F11R: variants seen among roughly 807,000 people sequenced by gnomAD.
The protein encoded by F11R is junctional adhesion molecule A.
F11R carries 27 observed loss-of-function variants against 39.3 expected under a neutral mutation model. That is an observed-to-expected ratio of 0.69 (90% confidence interval 0.51 to 0.95). F11R has a LOEUF of 0.95. F11R is among the 40% of genes least tolerant of loss of function. The pLI is 0.00. For synonymous variants in F11R, 131 were observed against 144.9 expected (o/e 0.90, Z 0.69); for missense variants, 335 against 372.7 (o/e 0.90, Z 0.83).
At chr1:161,003,391 G>A (rs935584670) in intron 1 of F11R, among the ~76,000 whole-genome samples, 13 of 152,038 alleles carry the variant, frequency 8.6e-5, no homozygotes, top group African/African-American at 2.4e-4. Flanking sequence ...CCAAAGTGCT[G>A]GGATTACAGG....
At chr1:160,999,187 A>T in intron 8 of F11R, 96 bp from the exon 9 acceptor site, 1 of 1,560,892 alleles carries the variant, frequency 6.4e-7, no homozygotes, top group Non-Finnish European at 8.8e-7. Context: ...AATGCTACAG[A>T]AGCACAGAGT....
At chr1:161,001,644 C>T (rs1648498912) in intron 1 of F11R, among the ~76,000 whole-genome samples, 1 of 152,176 alleles carries the variant, frequency 6.6e-6, no homozygotes, top group African/African-American at 2.4e-5. Context: ...TAGATTTCTA[C>T]TAGTCCAAGG....
In F11R at chr1:161,009,626, C is replaced by T. The variant is rs573987117; in HGVS notation, c.65-8273G>A. 2.6e-5 allele frequency among the ~76,000 whole-genome samples: 4 copies of T among 152,302 alleles called. No individual in the cohort carries two copies. The South Asian group carries it at 8.3e-4, about 32-fold the overall frequency. On this transcript the variant is annotated intron_variant, in intron 1 of 9. Transcript: ENST00000368026. ...ACATCTATCTATATATTTATCTCCT[C>T]CCCCATGCTCTACTTACATTGTGAC...
chr1:161,018,509 C>T (rs982171845), intron 1 of F11R, among the ~76,000 whole-genome samples: 1 of 152,184 alleles, frequency 6.6e-6, no homozygotes, highest in African/African-American at 2.4e-5. Context: ...TCACAAAATC[C>T]ACAGGGGATA....
rs371220688 is a variant in F11R, at chr1:161,009,551, GAAT to G, written c.65-8201_65-8199del. Among the ~76,000 whole-genome samples the G allele has an allele frequency of 1.1e-3, 170 of 151,936 alleles. 2 individuals carry two copies. The South Asian group carries it at 0.025, about 22-fold the overall frequency. On this transcript the variant is annotated intron_variant, in intron 1 of 9. Transcript: ENST00000368026. ...AATTCCTGGAAATTACTACGTACCTGAATAATAATAATGAAACAACTGTGGCAA... is the reference window on the plus strand; with the variant it reads ...AATTCCTGGAAATTACTACGTACCTGAATAATAATGAAACAACTGTGGCAA...
At chr1:161,009,840 T>C (rs897184882) in intron 1 of F11R, among the ~76,000 whole-genome samples, 5 of 151,886 alleles carry the variant, frequency 3.3e-5, no homozygotes, top group African/African-American at 4.8e-5. Context: ...TCCCAGCTAC[T>C]TGGGAGGCTG....
intron 1 of F11R, among the ~76,000 whole-genome samples, chr1:161,015,229 T>C (rs1045004725): frequency 2.3e-4 from 34 of 148,918 alleles, no homozygotes; most frequent in Non-Finnish European, 4.3e-4. Flanking sequence ...ACCCCGTCTC[T>C]ACTAAAAAAA....
intron 7 of F11R, 113 bp downstream of exon 7, chr1:160,999,527 G>A: frequency 6.6e-7 from 1 of 1,524,974 alleles, no homozygotes; most frequent in East Asian, 2.2e-5. Flanking sequence ...GTTCCCCAGG[G>A]GACAACACCC....
intron 1 of F11R, among the ~76,000 whole-genome samples, chr1:161,016,512 C>A (rs938689658): frequency 1.3e-5 from 2 of 151,906 alleles, no homozygotes; most frequent in African/African-American, 2.4e-5. Context: ...AAAAAATTAG[C>A]CGGGCGTGGT....
At chr1:161,001,431 G>T in intron 1 of F11R, 78 bp from the exon 2 acceptor site, 4 of 1,254,740 alleles carry the variant, frequency 3.2e-6, no homozygotes, top group Non-Finnish European at 3.5e-6. Flanking sequence ...AGACCCAGTG[G>T]ACAGGGCTTC....
intron 1 of F11R, among the ~76,000 whole-genome samples, chr1:161,008,773 T>C (rs960604261): frequency 6.6e-6 from 1 of 152,204 alleles, no homozygotes; most frequent in Non-Finnish European, 1.5e-5. Flanking sequence ...GCAGAGGCTA[T>C]ACAATGCTAC....
chr1:160,999,261 G>T, intron 8 of F11R, 135 bp downstream of exon 8: 1 of 1,436,828 alleles, frequency 7.0e-7, no homozygotes, highest in Non-Finnish European at 9.8e-7. Context: ...CAGAGAAAGG[G>T]CTGGATATCC....
At chr1:161,008,396 G>C (rs935963383) in intron 1 of F11R, among the ~76,000 whole-genome samples, 6 of 152,034 alleles carry the variant, frequency 3.9e-5, no homozygotes, top group African/African-American at 1.4e-4. Flanking sequence ...CAGCTACTCC[G>C]GAGGCTGAAG....
intron 1 of F11R, among the ~76,000 whole-genome samples, chr1:161,004,759 A>G (rs1648703108): frequency 6.6e-6 from 1 of 151,780 alleles, no homozygotes; most frequent in South Asian, 2.1e-4. Flanking sequence ...TCTTAGAAAA[A>G]CCATAGGTTT....
chr1:161,020,982 G>C lies in F11R; in HGVS notation c.64+28C>G, dbSNP rs749616727. On this transcript the variant is annotated intron_variant, in intron 1 of 9. Transcript: ENST00000368026. ...CCTCCAACCTCTGACCCGACCAACC[G>C]ATTCCTCCCGAAACTCTGGGAACTT... is the stretch of plus-strand genomic sequence containing the variant. 9 of 1,611,786 alleles carry C rather than the reference G, an allele frequency of 5.6e-6. No homozygotes were observed. The East Asian group carries it at 1.6e-4, about 28-fold the overall frequency.
At chr1:161,006,062 C>T (rs1271617260) in intron 1 of F11R, among the ~76,000 whole-genome samples, 1 of 150,920 alleles carries the variant, frequency 6.6e-6, no homozygotes, top group Non-Finnish European at 1.5e-5. Flanking sequence ...CACTTGAACC[C>T]GGGAGGCGAA....
At chr1:161,002,241 G>A (rs1806774) in intron 1 of F11R, among the ~76,000 whole-genome samples, 32,295 of 135,776 alleles carry the variant, frequency 0.24, 4,312 homozygotes, top group Middle Eastern at 0.35. Flanking sequence ...CAGCCTGGGC[G>A]ACAGAGCAAG....
chr1:161,000,952 A>G, intron 3 of F11R, 68 bp downstream of exon 3: 2 of 1,523,416 alleles, frequency 1.3e-6, no homozygotes, highest in Non-Finnish European at 1.8e-6. Flanking sequence ...CAAAGTCTGG[A>G]TCGTAGAATC....
chr1:161,015,590 CA>C (rs35166075), intron 1 of F11R, among the ~76,000 whole-genome samples: 79,721 of 127,686 alleles, frequency 0.62, 23,639 homozygotes, highest in Non-Finnish European at 0.65. Context: ...GACTTTGTCT[CA>C]AAAAAAAAAA....
Sources: gnomAD v4.1 joint callset for allele counts (sites outside exome capture counted in the v4.1 genomes callset) on GRCh38, gnomAD v4.1.1 for gene constraint, MANE v1.5 for transcripts, NCBI Gene and HGNC (gene_info 2026-07-23, HGNC 2026-07-21) for gene names.